Variants in ABCD3 observed in about 807,000 individuals in gnomAD.
ABCD3 encodes ATP-binding cassette sub-family D member 3.
In ABCD3, 41 loss-of-function variants were observed where a neutral mutation model predicts 105.5. The observed-to-expected ratio is 0.39, with a 90% confidence interval of 0.30 to 0.50. The LOEUF is 0.50. Among genes scored for constraint, ABCD3 ranks in the 20% least tolerant of loss-of-function variants. ABCD3 has a pLI of 0.84. For synonymous variants in ABCD3, 258 were observed against 269.0 expected (o/e 0.96, Z 0.40); for missense variants, 622 against 806.3 (o/e 0.77, Z 2.77).
the ABCD3 span, among the ~76,000 whole-genome samples, chr1:94,391,118 A>AC: frequency 6.6e-5 from 10 of 152,270 alleles, no homozygotes; most frequent in African/African-American, 2.4e-4. Context: ...TCCTCAGGTT[A>AC]CCCATCTCTT....
At chr1:94,397,145 A>G in the ABCD3 span, among the ~76,000 whole-genome samples, 1 of 152,222 alleles carries the variant, frequency 6.6e-6, no homozygotes, top group Non-Finnish European at 1.5e-5. Context: ...CTATTAATAT[A>G]TAGACAAGTT....
intron 16 of ABCD3, among the ~76,000 whole-genome samples, chr1:94,495,742 A>G (rs1649767262): frequency 6.6e-6 from 1 of 152,186 alleles, no homozygotes; most frequent in African/African-American, 2.4e-5. Context: ...AGCAGTTAGG[A>G]GGGGAGAATT....
chr1:94,412,180 G>T, the ABCD3 span, among the ~76,000 whole-genome samples: 6 of 151,996 alleles, frequency 3.9e-5, no homozygotes, highest in African/African-American at 1.4e-4. Context: ...AAATTTTTTT[G>T]ATGTAATAGG....
intron 20 of ABCD3, among the ~76,000 whole-genome samples, chr1:94,501,696 T>C (rs1487867890): frequency 1.3e-5 from 2 of 152,186 alleles, no homozygotes; most frequent in Non-Finnish European, 2.9e-5. Flanking sequence ...AGTTATCTTT[T>C]CCACTCCATT....
chr1:94,491,065 A>G, intron 15 of ABCD3, 119 bp from the exon 16 acceptor site: 1 of 694,200 alleles, frequency 1.4e-6, no homozygotes, highest in Non-Finnish European at 2.5e-6. Context: ...TTCTTCTTTT[A>G]AGAAGTGTTT....
At chr1:94,474,894 A>G (rs1023598625) in intron 5 of ABCD3, among the ~76,000 whole-genome samples, 1 of 152,128 alleles carries the variant, frequency 6.6e-6, no homozygotes, top group African/African-American at 2.4e-5. Context: ...ACCAAAAAAA[A>G]TGGGCAAGGT....
rs1313128918 is a variant in ABCD3, at chr1:94,462,668, C to A, written c.148-2107C>A. On this transcript the variant is annotated intron_variant, in intron 2 of 22. Transcript: ENST00000370214. Reference sequence around the variant, plus strand: ...CTCTCTTGTAATTCTTTTTTTCTAACTTTCCTCATTGTTTGTCTTAGATCA... The same window carrying A: ...CTCTCTTGTAATTCTTTTTTTCTAAATTTCCTCATTGTTTGTCTTAGATCA... 2.6e-5 allele frequency among the ~76,000 whole-genome samples: 4 copies of A among 152,030 alleles called. No homozygotes were observed. In the South Asian group the frequency reaches 8.3e-4, roughly 31 times the overall value.
chr1:94,422,545 T>C (rs1157450535), intron 1 of ABCD3, among the ~76,000 whole-genome samples: 1 of 152,210 alleles, frequency 6.6e-6, no homozygotes, highest in Non-Finnish European at 1.5e-5. Flanking sequence ...CATTCTGTAT[T>C]GTACTAGTTT....
chr1:94,404,448 G>A, the ABCD3 span, among the ~76,000 whole-genome samples: 2 of 151,996 alleles, frequency 1.3e-5, no homozygotes. Flanking sequence ...TCTCTCCAGT[G>A]TGGTTATGGT....
At chr1:94,424,798 T>C (rs912024703) in intron 1 of ABCD3, among the ~76,000 whole-genome samples, 1 of 152,246 alleles carries the variant, frequency 6.6e-6, no homozygotes, top group African/African-American at 2.4e-5. Context: ...ATATGCTATA[T>C]ATTTTACATA....
Position 94,498,764 on chromosome 1 carries a change from C to G in ABCD3, c.1465-19C>G. The G allele has an allele frequency of 6.2e-7, 1 of 1,613,442 alleles. No individual in the cohort carries two copies. Among genetic ancestry groups the G allele is most frequent in the Non-Finnish European group, 8.5e-7 (1 of 1,179,638 alleles). On this transcript the variant is annotated intron_variant, in intron 17 of 22. Coordinates refer to ENST00000370214, the MANE Select transcript of ABCD3 (RefSeq NM_002858.4). ...TGTAAATTTTACAATTGTTCTTCTC[C>G]CTTCTCTCTCTTTAATAGTTATGGC... is the stretch of plus-strand genomic sequence containing the variant.
the ABCD3 span, chr1:94,406,477 G>C: frequency 2.4e-6 from 1 of 424,370 alleles, no homozygotes; most frequent in South Asian, 2.0e-5. Flanking sequence ...TCTCTGGGTG[G>C]AACAGGCTGG....
rs71094301 is a variant in ABCD3, at chr1:94,456,255, A to ATT, written c.111-2317_111-2316dup. ...CATCCATGTTGTTGCAAATGACAGA[A>ATT]TTTTTTTTTTTTTTTTTTTTTTTTT... On this transcript the variant is annotated intron_variant, in intron 1 of 22. Coordinates refer to ENST00000370214, the MANE Select transcript of ABCD3 (RefSeq NM_002858.4). Among the ~76,000 whole-genome samples, 34 of 44,958 alleles carry ATT rather than the reference A, an allele frequency of 7.6e-4. 4 individuals are homozygous for ATT. The highest frequency in any genetic ancestry group is 2.2e-3 in the East Asian group (3 of 1,348). The allele number at this position is 44,958 out of a possible 152,430, so 29.5% of individuals were successfully genotyped here. A position where few individuals can be genotyped will look rare whatever the true frequency, so the allele number is the denominator to read the frequency against.
chr1:94,469,663 C>CTTTT (rs5776221), intron 4 of ABCD3, among the ~76,000 whole-genome samples: 1 of 70,078 alleles, frequency 1.4e-5, no homozygotes, highest in Non-Finnish European at 2.9e-5. Context: ...GTGTTCTTGC[C>CTTTT]TTTTTTTTTT....
intron 1 of ABCD3, among the ~76,000 whole-genome samples, chr1:94,447,443 C>G (rs1164668135): frequency 6.6e-6 from 1 of 152,212 alleles, no homozygotes; most frequent in Non-Finnish European, 1.5e-5. Flanking sequence ...TCTTTACTAT[C>G]CCCTTAGCTG....
chr1:94,512,042 C>T (rs974974665), intron 21 of ABCD3, among the ~76,000 whole-genome samples: 6 of 152,110 alleles, frequency 3.9e-5, no homozygotes, highest in African/African-American at 1.2e-4. Flanking sequence ...TGAGGAACTG[C>T]GTTCCTTTGG....
At chr1:94,491,675 C>T (rs781241457) in intron 16 of ABCD3, among the ~76,000 whole-genome samples, 16 of 151,892 alleles carry the variant, frequency 1.1e-4, no homozygotes, top group East Asian at 3.9e-4. Context: ...CGGGAAGAGC[C>T]GCACAGTAGC....
intron 1 of ABCD3, among the ~76,000 whole-genome samples, chr1:94,430,526 G>A (rs993585930): frequency 5.9e-5 from 9 of 152,126 alleles, no homozygotes; most frequent in African/African-American, 2.2e-4. Context: ...AGTCTCATGC[G>A]ATCTGATACT....
At chr1:94,483,070 C>T in intron 9 of ABCD3, 100 bp from the exon 10 acceptor site, 1 of 799,146 alleles carries the variant, frequency 1.3e-6, no homozygotes, top group Non-Finnish European at 2.1e-6. Flanking sequence ...CACAAAATGT[C>T]CATTTAAATA....
Sources: allele counts gnomAD v4.1 joint callset (sites outside exome capture counted in the v4.1 genomes callset), GRCh38; gene constraint gnomAD v4.1.1; transcripts MANE v1.5; gene names NCBI Gene and HGNC (gene_info 2026-07-23, HGNC 2026-07-21).